A1CF: variants seen among roughly 807,000 people sequenced by gnomAD.
The protein encoded by A1CF is APOBEC1 complementation factor.
A neutral mutation model predicts 68.9 loss-of-function variants in A1CF; 48 were observed. The observed-to-expected ratio is 0.70, with a 90% CI of 0.55 to 0.89. The LOEUF is 0.89. A1CF is among the 40% of genes least tolerant of loss of function. A1CF has a pLI of 0.00. For missense variants in A1CF, 653 were observed against 718.9 expected, an observed-to-expected ratio of 0.91 and a Z score of 1.05; for synonymous variants, 272 against 260.4, an observed-to-expected ratio of 1.04 and a Z score of -0.43.
intron 9 of A1CF, among the ~76,000 whole-genome samples, chr10:50,815,629 A>G (rs1321120581): frequency 6.6e-6 from 1 of 152,218 alleles, no homozygotes; most frequent in East Asian, 1.9e-4. Flanking sequence ...ATTGGTTTCC[A>G]CTGGACTATA....
chr10:50,871,837 T>G (rs897097078), intron 1 of A1CF, among the ~76,000 whole-genome samples: 3 of 152,010 alleles, frequency 2.0e-5, no homozygotes, highest in Non-Finnish European at 2.9e-5. Flanking sequence ...TATAGTAGAG[T>G]GTTTTTATAA....
chr10:50,859,659 A>G (rs1319491506), intron 3 of A1CF, among the ~76,000 whole-genome samples, 183 bp downstream of exon 3: 1 of 152,226 alleles, frequency 6.6e-6, no homozygotes, highest in African/African-American at 2.4e-5. Flanking sequence ...TAGAGTAGAA[A>G]GAAGGTTACA....
chr10:50,816,333 T>G, intron 8 of A1CF, 54 bp from the exon 9 acceptor site: 2 of 1,576,204 alleles, frequency 1.3e-6, no homozygotes, highest in Non-Finnish European at 1.7e-6. Context: ...GATAACCAAG[T>G]GTGGCTGAGC....
At chr10:50,838,990 A>G (rs1450421714) in intron 5 of A1CF, among the ~76,000 whole-genome samples, 4 of 152,018 alleles carry the variant, frequency 2.6e-5, no homozygotes, top group African/African-American at 9.7e-5. Context: ...CACCACCATA[A>G]CCTTCTGCAA....
In A1CF at chr10:50,808,126, GCA is replaced by G. The variant is rs556011519; in HGVS notation, c.1610-1248_1610-1247del. Among the ~76,000 whole-genome samples, 459 of 152,302 alleles carry G rather than the reference GCA, an allele frequency of 3.0e-3. 1 individual carries two copies. The highest frequency in any genetic ancestry group is 6.8e-3 in the Middle Eastern group (2 of 294). ...GCACACATGCATGCATGTGTTTGTG[GCA>G]CAGATTTTACCTTTAGGGATTTTGA... On this transcript the variant is annotated intron_variant, in intron 12 of 12. Transcript: ENST00000373997.
At chr10:50,858,738 C>A (rs1021724291) in intron 3 of A1CF, among the ~76,000 whole-genome samples, 5 of 151,722 alleles carry the variant, frequency 3.3e-5, no homozygotes, top group Admixed American at 6.6e-5. Context: ...AGAAAGAAAA[C>A]CCTCTTTTCA....
At position 50,850,875 on chromosome 10, in the gene A1CF, G is replaced by A. The variant is rs1005067571; in HGVS notation, c.100-6753C>T. 1.4e-5 allele frequency: 21 copies of A among 1,505,676 alleles called. No homozygotes were observed. In the South Asian group the frequency reaches 2.8e-4, roughly 20 times the overall value. The allele number at this position is 1,505,676 out of a possible 1,614,324, so 93.3% of individuals were successfully genotyped here. A position where few individuals can be genotyped will look rare whatever the true frequency, so the allele number is the denominator to read the frequency against. ...TCCGTTTGGAGCTTTTATCCTTAAAGAATGTGTAATTTATTCAATAGGCCC... is the reference window on the plus strand; with the variant it reads ...TCCGTTTGGAGCTTTTATCCTTAAAAAATGTGTAATTTATTCAATAGGCCC... On this transcript the variant is annotated intron_variant, in intron 3 of 12. Transcript: ENST00000373997.
At chr10:50,884,991 T>C (rs1564542401) in intron 1 of A1CF, among the ~76,000 whole-genome samples, 1 of 152,236 alleles carries the variant, frequency 6.6e-6, no homozygotes, top group Non-Finnish European at 1.5e-5. Context: ...CCAGTCATTT[T>C]CCATAATATT....
intron 7 of A1CF, among the ~76,000 whole-genome samples, chr10:50,822,119 A>G (rs1277774843): frequency 6.6e-6 from 1 of 152,210 alleles, no homozygotes; most frequent in East Asian, 1.9e-4. Context: ...TAGAAAACCC[A>G]AACAAACCAA....
At chr10:50,869,748 G>C (rs2132573112) in intron 1 of A1CF, among the ~76,000 whole-genome samples, 1 of 152,132 alleles carries the variant, frequency 6.6e-6, no homozygotes, top group South Asian at 2.1e-4. Context: ...TTACAAAACA[G>C]AATGTATGGT....
At chr10:50,827,859 T>G (rs1839037321) in intron 7 of A1CF, among the ~76,000 whole-genome samples, 1 of 152,000 alleles carries the variant, frequency 6.6e-6, no homozygotes, top group Non-Finnish European at 1.5e-5. Context: ...GCTGTTTTTT[T>G]TAAAAGATCA....
In A1CF at chr10:50,819,639, C is replaced by A. The variant is rs374831260; in HGVS notation, c.867+913G>T. Among the ~76,000 whole-genome samples, 52 of 152,258 alleles carry A rather than the reference C, an allele frequency of 3.4e-4. 2 individuals are homozygous for A. In the South Asian group the frequency reaches 9.8e-3, roughly 29 times the overall value. On this transcript the variant is annotated intron_variant, in intron 8 of 12. Transcript: ENST00000373997. ...GACCGATGCCAGATCCGATAGGTAA[C>A]ACAGTCCCACGTGCATTATGTTCCA... is the stretch of plus-strand genomic sequence containing the variant.
rs555147208 is a variant in A1CF, at chr10:50,827,453, C to G, written c.769+678G>C. 1.1e-3 allele frequency among the ~76,000 whole-genome samples: 167 copies of G among 152,260 alleles called. 1 individual carries two copies. Among genetic ancestry groups the G allele is most frequent in the African/African-American group, 3.9e-3 (161 of 41,546 alleles). On this transcript the variant is annotated intron_variant, in intron 7 of 12. Transcript: ENST00000373997. ...ACTGTCTCTCAGACCACAGTGCAAT[C>G]AAACTAGAACTCAGGATTAAGAAAC...
chr10:50,858,696 G>T (rs1264565098), intron 3 of A1CF, among the ~76,000 whole-genome samples: 2 of 151,968 alleles, frequency 1.3e-5, no homozygotes, highest in African/African-American at 4.8e-5. Flanking sequence ...ATTCTTGATT[G>T]TATAACATCT....
chr10:50,805,777 C>G lies in A1CF; in HGVS notation c.*952G>C, dbSNP rs1270935283. On this transcript the variant is annotated 3_prime_UTR_variant, in exon 13 of 13. Coordinates refer to ENST00000373997, the MANE Select transcript of A1CF (RefSeq NM_014576.4). ...TGCAACAATATCAAAGAAATGAGAG[C>G]AAATCTGCACTTCTCTCTTTAAAAT... 1 of 152,152 alleles carries G rather than the reference C, an allele frequency of 6.6e-6. No individual in the cohort carries two copies. The highest frequency in any genetic ancestry group is 1.5e-5 in the Non-Finnish European group (1 of 68,040). 9.4% of individuals were successfully genotyped at this position (152,152 alleles called of 1,614,324 possible).
Position 50,801,587 on chromosome 10 carries a change from A to G in A1CF, c.*5142T>C, listed in dbSNP as rs1183344901. ...ACCCTGAATGGGGCTGATATTCTTCATTCTCCAAGAAGGCCTGTGGGCAGC... is the reference window on the plus strand; with the variant it reads ...ACCCTGAATGGGGCTGATATTCTTCGTTCTCCAAGAAGGCCTGTGGGCAGC... On this transcript the variant is annotated 3_prime_UTR_variant, in exon 13 of 13. Transcript: ENST00000373997. 1.3e-5 allele frequency: 2 copies of G among 152,206 alleles called. No homozygotes were observed. Among genetic ancestry groups the G allele is most frequent in the Admixed American group, 1.3e-4 (2 of 15,286 alleles). 9.4% of individuals were successfully genotyped at this position (152,206 alleles called of 1,614,324 possible).
intron 1 of A1CF, among the ~76,000 whole-genome samples, chr10:50,865,271 A>T (rs977784656): frequency 6.6e-6 from 1 of 150,522 alleles, no homozygotes; most frequent in Non-Finnish European, 1.5e-5. Context: ...AGGTACTCCT[A>T]CTACTACTGC....
chr10:50,882,400 C>T (rs2132636992), intron 1 of A1CF, among the ~76,000 whole-genome samples: 1 of 152,280 alleles, frequency 6.6e-6, no homozygotes, highest in East Asian at 1.9e-4. Flanking sequence ...TGCACCACCA[C>T]TCCAGCCTAG....
At chr10:50,843,789 C>T (rs1839879582) in intron 4 of A1CF, among the ~76,000 whole-genome samples, 199 bp downstream of exon 4, 1 of 152,132 alleles carries the variant, frequency 6.6e-6, no homozygotes, top group Non-Finnish European at 1.5e-5. Flanking sequence ...GCAATTCAAG[C>T]TGTCAGTAAC....
Sources: gnomAD v4.1 joint callset for allele counts (sites outside exome capture counted in the v4.1 genomes callset) on GRCh38, gnomAD v4.1.1 for gene constraint, MANE v1.5 for transcripts, NCBI Gene and HGNC (gene_info 2026-07-23, HGNC 2026-07-21) for gene names.